JHY: variants seen among roughly 807,000 people sequenced by gnomAD.
JHY encodes the protein junctional cadherin complex regulator.
A neutral mutation model predicts 78.0 loss-of-function variants in JHY; 69 were observed. The observed-to-expected ratio is 0.88, with a 90% CI of 0.73 to 1.08. JHY has a LOEUF of 1.08. JHY is among the 50% of genes least tolerant of loss of function. The pLI is 0.00. For missense variants in JHY, 944 were observed against 927.8 expected (o/e 1.02, Z -0.23); for synonymous variants, 368 against 342.6 (o/e 1.07, Z -0.82).
At position 122,904,129 on chromosome 11, in the gene JHY, T is replaced by G. The variant is rs748510945; in HGVS notation, c.549T>G (p.Ser183Arg). ...LSGGKGEQKE[S>R]PQSAASLLGS... is the part of the protein sequence containing the mutation. ...GGGGAAAAGGCGAGCAGAAAGAGAG[T>G]CCACAGAGTGCAGCTTCTTTACTTG... The change falls in exon 3 of 9, where the codon AGT becomes AGG. Residue 183 changes from serine to arginine, a missense_variant. Coordinates refer to ENST00000227349, the MANE Select transcript of JHY (RefSeq NM_024806.4). 3 of 1,613,784 alleles carry G rather than the reference T, an allele frequency of 1.9e-6. No homozygotes were observed. The South Asian group carries it at 3.3e-5, about 18-fold the overall frequency.
At chr11:122,891,676 T>C (rs182046530) in intron 2 of JHY, among the ~76,000 whole-genome samples, 3 of 152,322 alleles carry the variant, frequency 2.0e-5, no homozygotes, top group Non-Finnish European at 4.4e-5. Flanking sequence ...GTAAAACTCT[T>C]TGCTTTATAT....
rs115913740 is a variant in JHY, at chr11:122,902,036, G to A, written c.345-1889G>A. On this transcript the variant is annotated intron_variant, in intron 2 of 8. Transcript: ENST00000227349. ...GGTCTTCAGGGGCAGTAACACATAC[G>A]GAGCTGTCATCTCCTAGGATAACAA... Among the ~76,000 whole-genome samples, 1,151 of 151,944 alleles carry A rather than the reference G, an allele frequency of 7.6e-3. 16 individuals are homozygous for A. Among genetic ancestry groups the A allele is most frequent in the African/African-American group, 0.026 (1,076 of 41,436 alleles).
chr11:122,920,764 T>G (rs1233785995), intron 3 of JHY, among the ~76,000 whole-genome samples: 1 of 152,186 alleles, frequency 6.6e-6, no homozygotes, highest in Non-Finnish European at 1.5e-5. Flanking sequence ...CTTACCTCAG[T>G]GTAAACACCT....
intron 7 of JHY, 90 bp downstream of exon 7, chr11:122,956,666 C>A: frequency 9.4e-7 from 1 of 1,058,730 alleles, no homozygotes; most frequent in South Asian, 1.5e-5. Flanking sequence ...CAGAATTAAA[C>A]CCTAATTCAA....
chr11:122,912,931 A>G (rs138230908), intron 3 of JHY, among the ~76,000 whole-genome samples: 2 of 152,244 alleles, frequency 1.3e-5, no homozygotes, highest in Admixed American at 6.5e-5. Flanking sequence ...AAGAGAAGCT[A>G]TCGTTACCAC....
At chr11:122,924,842 G>A (rs1863459184) in intron 3 of JHY, 55 bp from the exon 4 acceptor site, 15 of 1,407,306 alleles carry the variant, frequency 1.1e-5, no homozygotes, top group Non-Finnish European at 1.4e-5. Flanking sequence ...GAGTCCCATG[G>A]CTCTAAGACT....
At chr11:122,946,352 T>C (rs568743291) in intron 5 of JHY, 146 bp from the exon 6 acceptor site, 1 of 802,054 alleles carries the variant, frequency 1.2e-6, no homozygotes, top group East Asian at 3.0e-5. Flanking sequence ...AATTAATGTA[T>C]TCATGAAAAG....
Position 122,962,670 on chromosome 11 carries a change from A to T in JHY, c.*3225A>T, listed in dbSNP as rs1864339221. ...TTAATTTGGAAGAGAAAAAGAATGCATATAGAGACATTCATATTTAAAGGG... is the reference window on the plus strand; with the variant it reads ...TTAATTTGGAAGAGAAAAAGAATGCTTATAGAGACATTCATATTTAAAGGG... On this transcript the variant is annotated 3_prime_UTR_variant, in exon 9 of 9. Coordinates refer to ENST00000227349, the MANE Select transcript of JHY (RefSeq NM_024806.4). Among the ~76,000 whole-genome samples, 1 of 152,252 alleles carries T rather than the reference A, an allele frequency of 6.6e-6. No individual in the cohort carries two copies. Among genetic ancestry groups the T allele is most frequent in the African/African-American group, 2.4e-5 (1 of 41,474 alleles).
At chr11:122,884,475 A>G (rs1862452624) in intron 1 of JHY, among the ~76,000 whole-genome samples, 1 of 152,198 alleles carries the variant, frequency 6.6e-6, no homozygotes, top group South Asian at 2.1e-4. Flanking sequence ...GCAGTGAGAT[A>G]GAAAATAGAC....
intron 2 of JHY, among the ~76,000 whole-genome samples, chr11:122,890,400 T>C (rs1862587165): frequency 1.3e-5 from 2 of 152,200 alleles, no homozygotes; most frequent in African/African-American, 4.8e-5. Flanking sequence ...TCTGACTCCA[T>C]GGCCCCAAAC....
At chr11:122,926,979 GT>G (rs1324536644) in intron 4 of JHY, 1 of 152,184 alleles carries the variant, frequency 6.6e-6, no homozygotes, top group Non-Finnish European at 1.5e-5. Context: ...TTTCATAATT[GT>G]CACTAAGGAA....
At chr11:122,916,224 G>A (rs1019222783) in intron 3 of JHY, among the ~76,000 whole-genome samples, 1 of 151,942 alleles carries the variant, frequency 6.6e-6, no homozygotes, top group Non-Finnish European at 1.5e-5. Flanking sequence ...AAATACTCGA[G>A]GTGATGGATA....
chr11:122,928,001 G>A (rs1863548250), intron 4 of JHY, among the ~76,000 whole-genome samples: 3 of 152,106 alleles, frequency 2.0e-5, no homozygotes, highest in Admixed American at 1.3e-4. Flanking sequence ...AAAGTGCTAG[G>A]ATTACAGGCG....
intron 5 of JHY, among the ~76,000 whole-genome samples, chr11:122,939,033 G>T (rs1863815563): frequency 6.6e-6 from 1 of 151,130 alleles, no homozygotes; most frequent in Non-Finnish European, 1.5e-5. Flanking sequence ...CTGTTGCCAG[G>T]CTGGAGTGCA....
At chr11:122,889,153 C>T (rs1271678670) in intron 2 of JHY, among the ~76,000 whole-genome samples, 1 of 152,136 alleles carries the variant, frequency 6.6e-6, no homozygotes, top group African/African-American at 2.4e-5. Context: ...AAAATCCTGT[C>T]CTATTATAGA....
At position 122,934,833 on chromosome 11, in the gene JHY, G is replaced by T. The variant is rs376154011; in HGVS notation, c.1392G>T (p.Leu464=). The change falls in exon 5 of 9, where the codon CTG becomes CTT. Residue 464 remains leucine, a synonymous_variant. Transcript: ENST00000227349. ...SKNSTGCDSG[L]NVNKERGHKD... ...ACTCTACTGGATGTGACTCTGGGCT[G>T]AATGTTAATAAAGAAAGAGGACACA... is the stretch of plus-strand genomic sequence containing the variant. The T allele has an allele frequency of 3.7e-5, 59 of 1,613,922 alleles. No individual in the cohort carries two copies. Among genetic ancestry groups the T allele is most frequent in the Middle Eastern group, 1.6e-4 (1 of 6,084 alleles).
At chr11:122,902,675 G>C (rs909944703) in intron 2 of JHY, among the ~76,000 whole-genome samples, 1 of 152,146 alleles carries the variant, frequency 6.6e-6, no homozygotes, top group Non-Finnish European at 1.5e-5. Flanking sequence ...GGGGGAGCAG[G>C]CCTCTTACGG....
At chr11:122,958,636 T>TAGGAACAGTTTTTAACAGTTCCTA (rs1398400845) in intron 8 of JHY, 1 of 762,390 alleles carries the variant, frequency 1.3e-6, no homozygotes. Context: ...AAAACTGTTA[T>TAGGAACAGTTTTTAACAGTTCCTA]AAAGGCAGGT....
At chr11:122,906,096 G>A (rs1862985890) in intron 3 of JHY, among the ~76,000 whole-genome samples, 2 of 152,030 alleles carry the variant, frequency 1.3e-5, no homozygotes, top group South Asian at 4.1e-4. Context: ...TTAGATGTTA[G>A]TATACTCTTG....
Sources: gnomAD v4.1 joint callset for allele counts (sites outside exome capture counted in the v4.1 genomes callset) on GRCh38, gnomAD v4.1.1 for gene constraint, MANE v1.5 for transcripts, NCBI Gene and HGNC (gene_info 2026-07-23, HGNC 2026-07-21) for gene names.